The following GLDC variants were observed in gnomAD, a reference collection of about 807,000 sequenced individuals.
GLDC encodes the protein glycine decarboxylase.
A neutral mutation model predicts 121.3 loss-of-function variants in GLDC; 104 were observed. The ratio of observed to expected loss-of-function variants is 0.86; its 90% CI spans 0.73 to 1.01. The LOEUF (loss-of-function observed/expected upper bound fraction) is 1.01. Ranked by LOEUF, GLDC falls within the 50% of genes least tolerant of loss-of-function variation. The probability of loss-of-function intolerance (pLI) is 0.00; values close to 1 mark genes in which losing one functional copy is unlikely to be tolerated. For missense variants in GLDC, 1,429 were observed against 1,306.6 expected, an observed-to-expected ratio of 1.09 and a Z score of -1.44; for synonymous variants, 546 against 480.6, an observed-to-expected ratio of 1.14 and a Z score of -1.78.
intron 9 of GLDC, among the ~76,000 whole-genome samples, chr9:6,594,142 C>T (rs1490735387): frequency 2.6e-5 from 4 of 152,066 alleles, no homozygotes; most frequent in African/African-American, 9.7e-5. Flanking sequence ...TAGCAGCATT[C>T]TTCTGATTGC....
intron 2 of GLDC, among the ~76,000 whole-genome samples, chr9:6,631,500 T>C (rs1819376686): frequency 6.6e-6 from 1 of 152,230 alleles, no homozygotes; most frequent in African/African-American, 2.4e-5. Flanking sequence ...GGGAGGCCCC[T>C]TTTCATTTAA....
chr9:6,616,948 A>G (rs1818977783), intron 3 of GLDC, among the ~76,000 whole-genome samples: 1 of 152,212 alleles, frequency 6.6e-6, no homozygotes, highest in Admixed American at 6.5e-5. Flanking sequence ...AATAGCTACA[A>G]GGAATATGTA....
intron 5 of GLDC, among the ~76,000 whole-genome samples, chr9:6,605,656 G>C (rs570683081): frequency 1.3e-5 from 2 of 152,214 alleles, no homozygotes; most frequent in Non-Finnish European, 2.9e-5. Context: ...GTAAGACAAG[G>C]AGGAAGAACT....
intron 2 of GLDC, among the ~76,000 whole-genome samples, chr9:6,631,659 C>A (rs57851899): frequency 1.3e-5 from 2 of 152,076 alleles, no homozygotes; most frequent in African/African-American, 4.8e-5. Flanking sequence ...TCTTTGCTGC[C>A]CCAAAGGTAC....
At chr9:6,589,771 A>C (rs1298551176) in intron 11 of GLDC, among the ~76,000 whole-genome samples, 1 of 152,130 alleles carries the variant, frequency 6.6e-6, no homozygotes, top group Non-Finnish European at 1.5e-5. Flanking sequence ...CTTAGAAGAA[A>C]ATAGGCCAGG....
At chr9:6,601,803 T>G (rs1818616908) in intron 8 of GLDC, among the ~76,000 whole-genome samples, 1 of 152,084 alleles carries the variant, frequency 6.6e-6, no homozygotes, top group African/African-American at 2.4e-5. Flanking sequence ...TTATTTTATT[T>G]TATTTTTCAT....
intron 7 of GLDC, among the ~76,000 whole-genome samples, chr9:6,603,241 A>T (rs1448319539): frequency 1.3e-5 from 2 of 151,804 alleles, no homozygotes; most frequent in Non-Finnish European, 2.9e-5. Flanking sequence ...AAATAAAAAA[A>T]AAAAAACAAA....
chr9:6,644,040 A>AAAAAAAAAAAAAAAAAAAAAG (rs1819684497), intron 2 of GLDC, among the ~76,000 whole-genome samples: 1 of 148,526 alleles, frequency 6.7e-6, no homozygotes, highest in African/African-American at 2.5e-5. Flanking sequence ...AAAAAAAAAA[A>AAAAAAAAAAAAAAAAAAAAAG]AAAAAAAAAA....
At chr9:6,637,732 GC>G (rs1819535925) in intron 2 of GLDC, among the ~76,000 whole-genome samples, 1 of 152,140 alleles carries the variant, frequency 6.6e-6, no homozygotes, top group Admixed American at 6.5e-5. Flanking sequence ...CTCCCAAAGT[GC>G]TAGGATTACA....
At chr9:6,559,588 T>G (rs1817707804) in intron 16 of GLDC, among the ~76,000 whole-genome samples, 1 of 140,554 alleles carries the variant, frequency 7.1e-6, no homozygotes, top group Non-Finnish European at 1.5e-5. Flanking sequence ...ATCCCAACAC[T>G]TCGGGAGGTG....
At chr9:6,541,286 C>T (rs924675600) in intron 21 of GLDC, 4 of 152,134 alleles carry the variant, frequency 2.6e-5, no homozygotes, top group East Asian at 1.9e-4. Context: ...AATATTCCTC[C>T]GGGGCTTCCC....
chr9:6,573,397 G>A (rs933432764), intron 15 of GLDC, among the ~76,000 whole-genome samples: 12 of 152,130 alleles, frequency 7.9e-5, no homozygotes, highest in African/African-American at 2.7e-4. Context: ...GCAGGCAGAC[G>A]TTGCAGTGAG....
chr9:6,635,544 C>G (rs1819484132), intron 2 of GLDC, among the ~76,000 whole-genome samples: 1 of 152,130 alleles, frequency 6.6e-6, no homozygotes, highest in South Asian at 2.1e-4. Context: ...GCACTCTAGT[C>G]TGGGTGACAG....
At chr9:6,577,604 A>C (rs948501911) in intron 15 of GLDC, among the ~76,000 whole-genome samples, 2 of 152,242 alleles carry the variant, frequency 1.3e-5, no homozygotes, top group Non-Finnish European at 2.9e-5. Context: ...ATCTAAAAAC[A>C]TAAGGACAAA....
chr9:6,539,213 C>T (rs1263439938), intron 22 of GLDC, among the ~76,000 whole-genome samples: 3 of 152,080 alleles, frequency 2.0e-5, no homozygotes, highest in Non-Finnish European at 2.9e-5. Flanking sequence ...CGTGCTGGCT[C>T]ACACCTGTAA....
intron 3 of GLDC, among the ~76,000 whole-genome samples, chr9:6,612,849 G>T (rs534021802): frequency 6.6e-6 from 1 of 151,732 alleles, no homozygotes; most frequent in Admixed American, 6.6e-5. Flanking sequence ...GTGACAGAGC[G>T]AGACTCCATC....
intron 2 of GLDC, among the ~76,000 whole-genome samples, chr9:6,644,029 C>CAAAAAAAAAAAAAAAAAAAAAA (rs531081758): frequency 3.3e-4 from 6 of 18,338 alleles, no homozygotes; most frequent in Non-Finnish European, 4.9e-4. Flanking sequence ...GATTCTGTCT[C>CAAAAAAAAAAAAAAAAAAAAAA]AAAAAAAAAA....
At chr9:6,625,792 G>A (rs935228708) in intron 2 of GLDC, among the ~76,000 whole-genome samples, 11 of 152,104 alleles carry the variant, frequency 7.2e-5, no homozygotes, top group Admixed American at 6.5e-4. Context: ...GAAAGGTGGG[G>A]TTAACGTTTT....
intron 16 of GLDC, among the ~76,000 whole-genome samples, 163 bp downstream of exon 16, chr9:6,565,191 A>T (rs901132233): frequency 3.3e-5 from 5 of 152,206 alleles, no homozygotes; most frequent in African/African-American, 1.2e-4. Context: ...GATGTCTTGG[A>T]AGCAAGGATC....
Sources: gnomAD v4.1 joint callset for allele counts (sites outside exome capture counted in the v4.1 genomes callset) on GRCh38, gnomAD v4.1.1 for gene constraint, MANE v1.5 for transcripts, NCBI Gene and HGNC (gene_info 2026-07-23, HGNC 2026-07-21) for gene names.